CLIC2: variants seen among roughly 807,000 people sequenced by gnomAD.
CLIC2 encodes the protein CLIC family member 2.
A neutral mutation model predicts 14.8 loss-of-function variants in CLIC2; 9 were observed. That is an observed-to-expected ratio of 0.61 (90% CI 0.37 to 1.06). The LOEUF (loss-of-function observed/expected upper bound fraction) is 1.06. Among genes scored for constraint, CLIC2 ranks in the 50% least tolerant of loss-of-function variants. The pLI is 0.01. For synonymous variants in CLIC2, 61 were observed against 66.3 expected (o/e 0.92, Z 0.39); for missense variants, 148 against 181.4 (o/e 0.82, Z 1.06).
intron 3 of CLIC2, among the ~76,000 whole-genome samples, chrX:155,283,340 T>C (rs1407053854): frequency 8.9e-6 from 1 of 112,317 alleles, no homozygotes; most frequent in Admixed American, 9.4e-5. Flanking sequence ...TTTTTGTTGT[T>C]GTTGTTTTAT....
intron 1 of CLIC2, among the ~76,000 whole-genome samples, chrX:155,305,011 C>T (rs1302320149): frequency 9.0e-6 from 1 of 110,947 alleles, no homozygotes; most frequent in Middle Eastern, 4.6e-3. Context: ...TTTAAGTCGG[C>T]AGAGGTTACT....
intron 1 of CLIC2, among the ~76,000 whole-genome samples, chrX:155,325,711 C>T (rs1478132848): frequency 5.2e-5 from 5 of 96,833 alleles, no homozygotes; most frequent in Non-Finnish European, 1.0e-4. Flanking sequence ...CAAACCTGCA[C>T]GTTCTGCACA....
intron 1 of CLIC2, among the ~76,000 whole-genome samples, chrX:155,318,784 G>A (rs1207936671): frequency 8.9e-6 from 1 of 111,765 alleles, no homozygotes; most frequent in Non-Finnish European, 1.9e-5. Context: ...CAAATCTGGA[G>A]GCATCTCATT....
At chrX:155,326,286 C>A (rs1557322314) in intron 1 of CLIC2, among the ~76,000 whole-genome samples, 1 of 111,406 alleles carries the variant, frequency 9.0e-6, no homozygotes, top group African/African-American at 3.3e-5. Context: ...AGAAAATGAG[C>A]AAAGGACATG....
chrX:155,316,284 A>G, intron 1 of CLIC2, among the ~76,000 whole-genome samples: 1 of 112,170 alleles, frequency 8.9e-6, no homozygotes, highest in Non-Finnish European at 1.9e-5. Flanking sequence ...TATTTACAGA[A>G]CATTCTTCCC....
intron 1 of CLIC2, among the ~76,000 whole-genome samples, chrX:155,312,313 A>T (rs1602953445): frequency 9.0e-6 from 1 of 111,721 alleles, no homozygotes; most frequent in Non-Finnish European, 1.9e-5. Flanking sequence ...GCATTTCAGT[A>T]CTTCACCCAT....
At chrX:155,320,092 C>T (rs1053890905) in intron 1 of CLIC2, among the ~76,000 whole-genome samples, 7 of 112,250 alleles carry the variant, frequency 6.2e-5, no homozygotes, top group South Asian at 3.7e-4. Context: ...CATCTCCCTG[C>T]GACAGAACAC....
Position 155,305,081 on chromosome X carries a change from A to G in CLIC2, c.58-5936T>C, listed in dbSNP as rs376642441. 6.5e-3 allele frequency among the ~76,000 whole-genome samples: 724 copies of G among 111,964 alleles called. 3 individuals are homozygous for G. Among genetic ancestry groups the G allele is most frequent in the African/African-American group, 0.011 (352 of 30,888 alleles). On this transcript the variant is annotated intron_variant, in intron 1 of 5. Coordinates refer to ENST00000369449, the MANE Select transcript of CLIC2 (RefSeq NM_001289.6). ...AGGTGGAGCCTACAGAGGCAGGCAGACCTCTTTGAGCTGTGGTGGGCTCCA... is the reference window on the plus strand; with the variant it reads ...AGGTGGAGCCTACAGAGGCAGGCAGGCCTCTTTGAGCTGTGGTGGGCTCCA...
intron 1 of CLIC2, among the ~76,000 whole-genome samples, chrX:155,316,831 G>C (rs940422129): frequency 9.0e-6 from 1 of 110,705 alleles, no homozygotes; most frequent in African/African-American, 3.3e-5. Context: ...AAAGATGTAG[G>C]CTGGGAGGCT....
chrX:155,305,166 C>T (rs1298755600), intron 1 of CLIC2, among the ~76,000 whole-genome samples: 4 of 112,144 alleles, frequency 3.6e-5, no homozygotes, highest in African/African-American at 1.3e-4. Flanking sequence ...ATGGCGGGCG[C>T]CCCTCCCCCA....
chrX:155,294,218 A>G (rs1454687947), intron 3 of CLIC2, among the ~76,000 whole-genome samples: 3 of 112,016 alleles, frequency 2.7e-5, no homozygotes, highest in East Asian at 5.5e-4. Flanking sequence ...TCAGGCCACA[A>G]TGAAATCAAA....
intron 1 of CLIC2, among the ~76,000 whole-genome samples, chrX:155,320,013 C>T (rs2075108491): frequency 1.8e-5 from 2 of 112,757 alleles, no homozygotes; most frequent in Admixed American, 1.9e-4. Flanking sequence ...TCTCTAGATT[C>T]CTCCCTCTGG....
At position 155,295,651 on chromosome X, in the gene CLIC2, G is replaced by A. The variant is rs146777201; in HGVS notation, c.293+3134C>T. Among the ~76,000 whole-genome samples, 776 of 111,135 alleles carry A rather than the reference G, an allele frequency of 7.0e-3. 6 individuals carry two copies. The highest frequency in any genetic ancestry group is 0.024 in the African/African-American group (739 of 30,706). On this transcript the variant is annotated intron_variant, in intron 3 of 5. Coordinates refer to ENST00000369449, the MANE Select transcript of CLIC2 (RefSeq NM_001289.6). ...ACTCCACCAAAAAATTCTTAGATTT[G>A]ATAAGTAAATTCAGTAAAGTTCCAG...
intron 1 of CLIC2, among the ~76,000 whole-genome samples, chrX:155,332,506 C>G (rs1428788701): frequency 8.9e-6 from 1 of 111,740 alleles, no homozygotes; most frequent in Non-Finnish European, 1.9e-5. Flanking sequence ...GTTCACACAA[C>G]TGAAAACAAT....
At chrX:155,315,083 G>C (rs1557320966) in intron 1 of CLIC2, among the ~76,000 whole-genome samples, 2 of 111,600 alleles carry the variant, frequency 1.8e-5, no homozygotes, top group Non-Finnish European at 3.8e-5. Flanking sequence ...CAAAAAAAGT[G>C]AACAAAGCCT....
chrX:155,292,477 C>A, intron 3 of CLIC2: 1 of 651,123 alleles, frequency 1.5e-6, no homozygotes, highest in Non-Finnish European at 2.5e-6. Flanking sequence ...AAAGTTGAAG[C>A]CAGTAAAGTG....
At chrX:155,308,657 G>A (rs2075063861) in intron 1 of CLIC2, among the ~76,000 whole-genome samples, 2 of 112,240 alleles carry the variant, frequency 1.8e-5, no homozygotes, top group African/African-American at 6.5e-5. Flanking sequence ...GGATCTTAAA[G>A]CAGCAAGAGA....
rs2074902423 is a variant in CLIC2 at position 155,277,374 on chromosome X, ATTGATC to A, written c.*523_*528del. ...GGCGTCAAATGCTGTTCTATGACCA[ATTGATC>A]TTGAGCTCTTCCTAGAGCTGATTTT... On this transcript the variant is annotated 3_prime_UTR_variant, in exon 6 of 6. Coordinates refer to ENST00000369449, the MANE Select transcript of CLIC2 (RefSeq NM_001289.6). 8.9e-6 allele frequency: 1 copy of A among 112,665 alleles called. No homozygotes were observed. The highest frequency in any genetic ancestry group is 3.2e-5 in the African/African-American group (1 of 30,800). 9.3% of individuals were successfully genotyped at this position (112,665 alleles called of 1,213,427 possible).
chrX:155,296,685 T>C (rs2074993334), intron 3 of CLIC2, among the ~76,000 whole-genome samples: 1 of 111,017 alleles, frequency 9.0e-6, no homozygotes, highest in South Asian at 3.7e-4. Context: ...GCAAAGGGCA[T>C]GGCCAAAATG....
Sources: gnomAD v4.1 joint callset for allele counts (sites outside exome capture counted in the v4.1 genomes callset) on GRCh38, gnomAD v4.1.1 for gene constraint, MANE v1.5 for transcripts, NCBI Gene and HGNC (gene_info 2026-07-23, HGNC 2026-07-21) for gene names.